CMSS1: variants seen among roughly 807,000 people sequenced by gnomAD.
The protein encoded by CMSS1 is protein CMSS1.
A neutral mutation model predicts 43.5 loss-of-function variants in CMSS1; 33 were observed. The ratio of observed to expected loss-of-function variants is 0.76; its 90% CI spans 0.57 to 1.01. The LOEUF (loss-of-function observed/expected upper bound fraction) is 1.01, where lower values mean the gene tolerates loss of function less well. Ranked by LOEUF, CMSS1 falls within the 50% of genes least tolerant of loss-of-function variation. CMSS1 has a pLI of 0.00. For synonymous variants in CMSS1, 115 were observed against 117.2 expected (o/e 0.98, Z 0.12); for missense variants, 313 against 326.4 (o/e 0.96, Z 0.32).
intron 1 of CMSS1, chr3:99,898,089 T>G (rs547625503): frequency 6.6e-6 from 1 of 152,340 alleles, no homozygotes; most frequent in Non-Finnish European, 1.5e-5. Flanking sequence ...TTATCTAAGT[T>G]ATTAGACTCT....
chr3:100,000,039 G>A (rs986857759), intron 1 of CMSS1, among the ~76,000 whole-genome samples: 1 of 152,186 alleles, frequency 6.6e-6, no homozygotes, highest in Non-Finnish European at 1.5e-5. Flanking sequence ...TTATTTGCCT[G>A]TAATGGGGCC....
intron 1 of CMSS1, among the ~76,000 whole-genome samples, chr3:100,097,625 CTG>C (rs1242757943): frequency 6.6e-6 from 1 of 152,166 alleles, no homozygotes. Context: ...AGATTGCACT[CTG>C]TTTTTAAAGC....
At position 100,145,340 on chromosome 3, in the gene CMSS1, C is replaced by A. The variant is rs185574275; in HGVS notation, c.65-1633C>A. The stretch of plus-strand genomic sequence containing the variant: ...GTGGGTGCCTGTGATCCCAGCTACT[C>A]GGGAGGCTGAGGCAGGAGAATCGCT... On this transcript the variant is annotated intron_variant, in intron 1 of 9. Coordinates refer to ENST00000421999, the MANE Select transcript of CMSS1 (RefSeq NM_032359.4). 3.6e-3 allele frequency among the ~76,000 whole-genome samples: 543 copies of A among 151,922 alleles called. 2 individuals are homozygous for A. Among genetic ancestry groups the A allele is most frequent in the African/African-American group, 0.012 (517 of 41,414 alleles).
chr3:100,046,051 A>G (rs2065274043), intron 1 of CMSS1, among the ~76,000 whole-genome samples: 2 of 152,188 alleles, frequency 1.3e-5, no homozygotes, highest in South Asian at 4.1e-4. Context: ...TTTTAAGGAA[A>G]GGGTATGGAG....
At chr3:100,130,677 A>C (rs1260693365) in intron 1 of CMSS1, among the ~76,000 whole-genome samples, 1 of 152,220 alleles carries the variant, frequency 6.6e-6, no homozygotes, top group African/African-American at 2.4e-5. Context: ...GTTTTGTTGT[A>C]ATATAGCTAT....
At chr3:99,900,867 G>C (rs115314839) in intron 1 of CMSS1, among the ~76,000 whole-genome samples, 5 of 152,212 alleles carry the variant, frequency 3.3e-5, no homozygotes, top group African/African-American at 1.2e-4. Context: ...ATGTAGCAAA[G>C]TGTTAGAAGC....
At chr3:99,903,249 C>G (rs938194344) in intron 1 of CMSS1, among the ~76,000 whole-genome samples, 3 of 147,800 alleles carry the variant, frequency 2.0e-5, no homozygotes, top group African/African-American at 7.3e-5. Context: ...TATGTATACA[C>G]ATATGCATGT....
intron 1 of CMSS1, among the ~76,000 whole-genome samples, chr3:99,868,530 C>T (rs1944632293): frequency 6.6e-6 from 1 of 152,164 alleles, no homozygotes. Context: ...GGCACTGTGC[C>T]AACTGCTTCA....
At chr3:99,854,698 C>T (rs1943871400) in intron 1 of CMSS1, among the ~76,000 whole-genome samples, 1 of 152,076 alleles carries the variant, frequency 6.6e-6, no homozygotes, top group Non-Finnish European at 1.5e-5. Context: ...GGGCAGTCAC[C>T]TCCAGTTGAG....
At chr3:100,131,326 G>A (rs538215410) in intron 1 of CMSS1, among the ~76,000 whole-genome samples, 9 of 152,180 alleles carry the variant, frequency 5.9e-5, no homozygotes, top group Non-Finnish European at 7.3e-5. Flanking sequence ...GCATGATGGC[G>A]GTGGAAGATA....
intron 1 of CMSS1, among the ~76,000 whole-genome samples, chr3:99,959,140 C>T (rs1211469465): frequency 6.6e-6 from 1 of 151,906 alleles, no homozygotes; most frequent in Admixed American, 6.6e-5. Flanking sequence ...TCCATTTTTC[C>T]CAAACTTTAT....
At chr3:99,955,453 TG>T (rs1390007450) in intron 1 of CMSS1, among the ~76,000 whole-genome samples, 1 of 152,234 alleles carries the variant, frequency 6.6e-6, no homozygotes, top group Non-Finnish European at 1.5e-5. Context: ...TGCTTGGCTC[TG>T]GGGGATAATA....
intron 1 of CMSS1, among the ~76,000 whole-genome samples, chr3:99,823,645 C>A (rs1280677895): frequency 6.6e-6 from 1 of 152,214 alleles, no homozygotes; most frequent in Non-Finnish European, 1.5e-5. Context: ...CCCTCACTCA[C>A]CAGCTAGAGG....
chr3:99,980,921 A>G (rs1474771240), intron 1 of CMSS1, among the ~76,000 whole-genome samples: 1 of 152,146 alleles, frequency 6.6e-6, no homozygotes, highest in Admixed American at 6.5e-5. Context: ...ACCCTTCAAT[A>G]CTGGCTATGT....
chr3:99,918,135 G>A (rs568972366), intron 1 of CMSS1, among the ~76,000 whole-genome samples: 2 of 152,042 alleles, frequency 1.3e-5, no homozygotes, highest in East Asian at 1.9e-4. Context: ...GCGGCACCAC[G>A]CCCGGCTAAT....
intron 1 of CMSS1, among the ~76,000 whole-genome samples, chr3:100,007,703 A>G (rs1576636786): frequency 6.6e-6 from 1 of 152,240 alleles, no homozygotes; most frequent in Non-Finnish European, 1.5e-5. Flanking sequence ...GATGGAAGCT[A>G]CAGTATCGTG....
At chr3:99,895,917 A>G (rs1706235915) in intron 1 of CMSS1, among the ~76,000 whole-genome samples, 1 of 152,180 alleles carries the variant, frequency 6.6e-6, no homozygotes, top group African/African-American at 2.4e-5. Flanking sequence ...AAAGGAACCC[A>G]TCATCTATGT....
intron 1 of CMSS1, among the ~76,000 whole-genome samples, chr3:99,867,580 A>G (rs1381090557): frequency 6.6e-6 from 1 of 152,174 alleles, no homozygotes; most frequent in Non-Finnish European, 1.5e-5. Context: ...CTAGTGACTT[A>G]ACTATCTGAC....
At chr3:99,854,813 G>A (rs1437079789) in intron 1 of CMSS1, among the ~76,000 whole-genome samples, 1 of 152,122 alleles carries the variant, frequency 6.6e-6, no homozygotes, top group Non-Finnish European at 1.5e-5. Flanking sequence ...AATTAAACAG[G>A]TGCAACTGAG....
Sources: allele counts gnomAD v4.1 joint callset (sites outside exome capture counted in the v4.1 genomes callset), GRCh38; gene constraint gnomAD v4.1.1; transcripts MANE v1.5; gene names NCBI Gene and HGNC (gene_info 2026-07-23, HGNC 2026-07-21).